Variants in THADA observed in about 807,000 individuals in gnomAD.
THADA encodes THADA armadillo repeat containing.
THADA carries 213 observed loss-of-function variants against 219.8 expected under a neutral mutation model. That is an observed-to-expected ratio of 0.97 (90% CI 0.87 to 1.09). THADA has a LOEUF of 1.09. THADA is among the 50% of genes least tolerant of loss of function. The probability of loss-of-function intolerance (pLI) is 0.00; values close to 1 mark genes in which losing one functional copy is unlikely to be tolerated. For missense variants in THADA, 2,956 were observed against 2,311.3 expected, an observed-to-expected ratio of 1.28 and a Z score of -5.72; for synonymous variants, 1,018 against 828.9, an observed-to-expected ratio of 1.23 and a Z score of -3.92.
intron 20 of THADA, among the ~76,000 whole-genome samples, chr2:43,548,141 G>A (rs1696284146): frequency 6.6e-6 from 1 of 152,222 alleles, no homozygotes; most frequent in Non-Finnish European, 1.5e-5. Context: ...TCCAGACCCT[G>A]TTTGCCTGGG....
At chr2:43,488,437 G>A (rs1038052434) in intron 25 of THADA, among the ~76,000 whole-genome samples, 3 of 152,060 alleles carry the variant, frequency 2.0e-5, no homozygotes, top group Admixed American at 6.6e-5. Flanking sequence ...GTAGTATGCG[G>A]CCTTTAATGT....
At chr2:43,326,124 T>G (rs115290072) in intron 30 of THADA, among the ~76,000 whole-genome samples, 226 of 149,798 alleles carry the variant, frequency 1.5e-3, no homozygotes, top group African/African-American at 5.1e-3. Context: ...ACATATGCAT[T>G]AGGTCATATG....
intron 1 of THADA, among the ~76,000 whole-genome samples, chr2:43,594,405 C>A (rs555741648): frequency 6.6e-6 from 1 of 152,044 alleles, no homozygotes; most frequent in Admixed American, 6.5e-5. Context: ...CATGGTGAAA[C>A]CCCGTCTGCA....
intron 28 of THADA, among the ~76,000 whole-genome samples, chr2:43,405,673 G>A (rs1415759358): frequency 2.0e-5 from 3 of 152,186 alleles, no homozygotes; most frequent in Non-Finnish European, 4.4e-5. Flanking sequence ...TGAGTTCGGA[G>A]CTTTTAAAGT....
chr2:43,432,825 G>A (rs574140234), intron 26 of THADA, among the ~76,000 whole-genome samples: 6 of 152,114 alleles, frequency 3.9e-5, no homozygotes, highest in African/African-American at 9.7e-5. Flanking sequence ...ATGACCCTTT[G>A]TGAAGGATCT....
At chr2:43,392,156 T>C (rs575874672) in intron 29 of THADA, among the ~76,000 whole-genome samples, 11 of 152,226 alleles carry the variant, frequency 7.2e-5, no homozygotes, top group Non-Finnish European at 1.5e-4. Flanking sequence ...TCTGGACAGC[T>C]GGACCGTTTT....
chr2:43,375,179 G>A (rs763986266), intron 29 of THADA, among the ~76,000 whole-genome samples: 4 of 152,168 alleles, frequency 2.6e-5, no homozygotes, highest in African/African-American at 4.8e-5. Flanking sequence ...CCAATTATGC[G>A]TTATTATTTT....
chr2:43,504,521 G>C (rs1214749334), intron 24 of THADA, among the ~76,000 whole-genome samples: 1 of 152,206 alleles, frequency 6.6e-6, no homozygotes, highest in African/African-American at 2.4e-5. Flanking sequence ...TATCGTACTT[G>C]ATTGTAAACT....
At chr2:43,283,772 G>A (rs1673655805) in intron 35 of THADA, among the ~76,000 whole-genome samples, 1 of 152,176 alleles carries the variant, frequency 6.6e-6, no homozygotes, top group Non-Finnish European at 1.5e-5. Context: ...TCTGAAACTG[G>A]AACTTACATT....
chr2:43,513,777 TA>T (rs992324743), intron 22 of THADA, among the ~76,000 whole-genome samples: 4 of 151,980 alleles, frequency 2.6e-5, no homozygotes, highest in African/African-American at 9.7e-5. Context: ...AAAGACAACC[TA>T]AAAAAATCAG....
At position 43,571,789 on chromosome 2, in the gene THADA, T is replaced by C. The variant is rs777593477; in HGVS notation, c.1982A>G (p.Gln661Arg). The change falls in exon 13 of 38, where the codon CAG becomes CGG. Residue 661 changes from glutamine to arginine, a missense_variant. By Grantham distance (43) the Gln-to-Arg change is conservative. Coordinates refer to ENST00000405975, the MANE Select transcript of THADA (RefSeq NM_022065.5). ...GTATGTAATAAAGAACTGAATCCAC[T>C]GCATTTCTTCCATGGAAACAATTTC... ...STEIVSMEEM[Q>R]WIQFFITYNL... 39 of 1,613,834 alleles carry C rather than the reference T, an allele frequency of 2.4e-5. No homozygotes were observed. Among genetic ancestry groups the C allele is most frequent in the Non-Finnish European group, 3.1e-5 (37 of 1,179,832 alleles).
chr2:43,290,308 G>C (rs957393603), intron 34 of THADA, among the ~76,000 whole-genome samples: 2 of 149,560 alleles, frequency 1.3e-5, no homozygotes, highest in Non-Finnish European at 3.0e-5. Context: ...ATAGTTTTTA[G>C]CAAATCATCT....
At chr2:43,440,132 T>A (rs1263425551) in intron 26 of THADA, among the ~76,000 whole-genome samples, 1 of 152,210 alleles carries the variant, frequency 6.6e-6, no homozygotes, top group African/African-American at 2.4e-5. Context: ...TTTCCTATTT[T>A]AAAAAATTCA....
At chr2:43,392,321 T>C (rs1485013556) in intron 29 of THADA, among the ~76,000 whole-genome samples, 1 of 152,202 alleles carries the variant, frequency 6.6e-6, no homozygotes, top group Non-Finnish European at 1.5e-5. Flanking sequence ...TTAACAGAAA[T>C]ATATATACAT....
chr2:43,372,480 AT>A (rs1670914641), intron 29 of THADA, among the ~76,000 whole-genome samples: 1 of 152,188 alleles, frequency 6.6e-6, no homozygotes, highest in South Asian at 2.1e-4. Context: ...TTTTTTAATG[AT>A]GAAGTGACAG....
In THADA at chr2:43,248,156, TATATATATAGAGAGAGAGAG is replaced by T. The variant is rs1302749764; in HGVS notation, c.5297-15294_5297-15275del. On this transcript the variant is annotated intron_variant, in intron 36 of 37. Coordinates refer to ENST00000405975, the MANE Select transcript of THADA (RefSeq NM_022065.5). Reference sequence around the variant, plus strand: ...ATATATATATATATATATATATATATATATATATAGAGAGAGAGAGAGAGAGAGAGAGAGAGAGAGAGAGA... The same window carrying T: ...ATATATATATATATATATATATATATAGAGAGAGAGAGAGAGAGAGAGAGA... Among the ~76,000 whole-genome samples, 615 of 75,858 alleles carry T rather than the reference TATATATATAGAGAGAGAGAG, an allele frequency of 8.1e-3. 1 individual carries two copies. The highest frequency in any genetic ancestry group is 0.018 in the Admixed American group (134 of 7,266). 49.8% of individuals were successfully genotyped at this position (75,858 alleles called of 152,430 possible).
intron 22 of THADA, among the ~76,000 whole-genome samples, chr2:43,510,742 G>A (rs151331511): frequency 0.011 from 1,636 of 151,112 alleles, 36 homozygotes; most frequent in African/African-American, 0.038. Context: ...AGGCTGAGGC[G>A]GGAGGATCAC....
intron 34 of THADA, among the ~76,000 whole-genome samples, chr2:43,291,491 CAA>C (rs1376925040): frequency 8.6e-5 from 5 of 57,934 alleles, no homozygotes; most frequent in Admixed American, 1.6e-4. Context: ...AATCCTAAAA[CAA>C]GAGAAAAGAA....
intron 24 of THADA, among the ~76,000 whole-genome samples, chr2:43,501,705 A>G (rs1398035695): frequency 6.6e-6 from 1 of 152,216 alleles, no homozygotes; most frequent in Non-Finnish European, 1.5e-5. Flanking sequence ...GCACTTTGGG[A>G]GGCCTTAGCG....
Sources: allele counts gnomAD v4.1 joint callset (sites outside exome capture counted in the v4.1 genomes callset), GRCh38; gene constraint gnomAD v4.1.1; transcripts MANE v1.5; gene names NCBI Gene and HGNC (gene_info 2026-07-23, HGNC 2026-07-21).